CACNA1E: variants seen among roughly 807,000 people sequenced by gnomAD.
The protein encoded by CACNA1E is calcium voltage-gated channel subunit alpha1 E.
CACNA1E carries 40 observed loss-of-function variants against 259.2 expected under a neutral mutation model. The observed-to-expected ratio is 0.15, with a 90% CI of 0.12 to 0.20. The LOEUF (loss-of-function observed/expected upper bound fraction) is 0.20, where lower values mean the gene tolerates loss of function less well. Among genes scored for constraint, CACNA1E ranks in the 10% least tolerant of loss-of-function variants. The pLI is 1.00. For synonymous variants in CACNA1E, 1,104 were observed against 1,138.5 expected, an observed-to-expected ratio of 0.97 and a Z score of 0.61; for missense variants, 1,874 against 3,040.1, an observed-to-expected ratio of 0.62 and a Z score of 9.02.
chr1:181,637,808 A>C (rs992108441), intron 6 of CACNA1E, among the ~76,000 whole-genome samples: 1 of 152,188 alleles, frequency 6.6e-6, no homozygotes, highest in Admixed American at 6.5e-5. Flanking sequence ...AGTGAAGGTA[A>C]CATTCAGTCA....
At chr1:181,385,294 A>G (rs1338440506) in intron 1 of CACNA1E, among the ~76,000 whole-genome samples, 4 of 152,238 alleles carry the variant, frequency 2.6e-5, no homozygotes, top group African/African-American at 9.6e-5. Flanking sequence ...ATCATTTCAT[A>G]TAAAGCTGTT....
chr1:181,624,789 G>T (rs1656034403), intron 6 of CACNA1E, among the ~76,000 whole-genome samples: 1 of 152,092 alleles, frequency 6.6e-6, no homozygotes, highest in South Asian at 2.1e-4. Context: ...GTTCTTAATG[G>T]CATCTAGAAT....
intron 6 of CACNA1E, among the ~76,000 whole-genome samples, chr1:181,604,891 C>T (rs573427692): frequency 1.3e-5 from 2 of 152,102 alleles, no homozygotes; most frequent in East Asian, 1.9e-4. Flanking sequence ...TTTCTAAGTC[C>T]AATTTGTAGG....
chr1:181,707,372 T>C (rs1365172075), intron 7 of CACNA1E, among the ~76,000 whole-genome samples: 1 of 151,004 alleles, frequency 6.6e-6, no homozygotes, highest in African/African-American at 2.4e-5. Context: ...GGTGGGAGGG[T>C]GGGAGGAAAG....
In CACNA1E at chr1:181,721,865, G is replaced by A. The variant is rs747449493; in HGVS notation, c.2064G>A (p.Leu688=). 2.5e-5 allele frequency: 40 copies of A among 1,605,244 alleles called. No homozygotes were observed. The highest frequency in any genetic ancestry group is 1.7e-5 in the Non-Finnish European group (20 of 1,171,942). Residue 688 remains leucine, a synonymous_variant, in exon 16 of 48, where the codon TTG becomes TTA. Transcript: ENST00000367573. ...WSAIYFIVLT[L]FGNYTLLNVF... is the part of the protein sequence containing the mutation. ...CCATCTACTTCATTGTGCTCACCTTGTTTGGCAACTGTATCCTTTTTAAGA... is the reference window on the plus strand; with the variant it reads ...CCATCTACTTCATTGTGCTCACCTTATTTGGCAACTGTATCCTTTTTAAGA...
chr1:181,385,429 G>C (rs1165977288), intron 1 of CACNA1E, among the ~76,000 whole-genome samples: 3 of 152,204 alleles, frequency 2.0e-5, no homozygotes, highest in African/African-American at 7.2e-5. Flanking sequence ...TTGTAATAAA[G>C]AGCTTAATTT....
intron 6 of CACNA1E, among the ~76,000 whole-genome samples, chr1:181,645,150 A>G (rs114940793): frequency 0.012 from 1,779 of 152,304 alleles, 33 homozygotes; most frequent in African/African-American, 0.04. Flanking sequence ...GGCTCAGCAC[A>G]TGCAGGAAAG....
intron 9 of CACNA1E, among the ~76,000 whole-genome samples, chr1:181,715,835 G>A (rs1653834070): frequency 6.6e-6 from 1 of 152,196 alleles, no homozygotes; most frequent in South Asian, 2.1e-4. Flanking sequence ...CTCTTGTGTT[G>A]CAGGAAGGTG....
intron 3 of CACNA1E, among the ~76,000 whole-genome samples, chr1:181,554,730 C>T (rs1222375023): frequency 1.3e-5 from 2 of 152,156 alleles, no homozygotes; most frequent in Admixed American, 1.3e-4. Context: ...CTGGGATTGA[C>T]AATGAGCTTA....
intron 2 of CACNA1E, among the ~76,000 whole-genome samples, chr1:181,424,965 G>C (rs1325048278): frequency 9.2e-5 from 14 of 152,154 alleles, no homozygotes; most frequent in Admixed American, 9.2e-4. Flanking sequence ...TGTAGAAGGA[G>C]GCTCTTCAGT....
Position 181,603,433 on chromosome 1 carries a change from T to C in CACNA1E, c.951+22657T>C, listed in dbSNP as rs74127803. 5.7e-3 allele frequency among the ~76,000 whole-genome samples: 872 copies of C among 152,280 alleles called. 5 individuals are homozygous for C. Among genetic ancestry groups the C allele is most frequent in the African/African-American group, 0.02 (834 of 41,564 alleles). On this transcript the variant is annotated intron_variant, in intron 6 of 47. Coordinates refer to ENST00000367573, the MANE Select transcript of CACNA1E (RefSeq NM_001205293.3). ...CACTGATGTTTAATACACTTATGTG[T>C]TACATTTTGATGTGTGGTATTGTTG...
intron 2 of CACNA1E, among the ~76,000 whole-genome samples, chr1:181,430,657 T>C (rs968736181): frequency 2.6e-5 from 4 of 152,250 alleles, no homozygotes; most frequent in African/African-American, 9.6e-5. Flanking sequence ...AGCTGCAGCC[T>C]GAGTTTTCCC....
At chr1:181,391,109 C>G (rs1656239133) in intron 1 of CACNA1E, among the ~76,000 whole-genome samples, 1 of 152,208 alleles carries the variant, frequency 6.6e-6, no homozygotes, top group Non-Finnish European at 1.5e-5. Context: ...TCAACGCTCT[C>G]AATTTTACTC....
At chr1:181,697,537 G>T (rs575215684) in intron 7 of CACNA1E, among the ~76,000 whole-genome samples, 2 of 152,190 alleles carry the variant, frequency 1.3e-5, no homozygotes, top group Non-Finnish European at 2.9e-5. Context: ...AAATGGTTTT[G>T]CTCCAGACAG....
At chr1:181,730,123 C>A (rs1232222237) in intron 18 of CACNA1E, among the ~76,000 whole-genome samples, 1 of 152,240 alleles carries the variant, frequency 6.6e-6, no homozygotes, top group Non-Finnish European at 1.5e-5. Context: ...GCCTCTGCTC[C>A]CTCAGTCCCA....
intron 2 of CACNA1E, among the ~76,000 whole-genome samples, chr1:181,424,894 C>T (rs1010326729): frequency 3.3e-5 from 5 of 152,080 alleles, no homozygotes; most frequent in African/African-American, 1.2e-4. Flanking sequence ...GTGAATCAGT[C>T]CCCTCTCTCC....
chr1:181,718,208 G>A, intron 12 of CACNA1E, 41 bp downstream of exon 12: 1 of 998,650 alleles, frequency 1.0e-6, no homozygotes, highest in East Asian at 2.4e-5. Context: ...GCTTCGTGTT[G>A]ATATGCCCTG....
chr1:181,442,341 G>A (rs1660548349), intron 2 of CACNA1E, among the ~76,000 whole-genome samples: 2 of 151,458 alleles, frequency 1.3e-5, no homozygotes, highest in Non-Finnish European at 2.9e-5. Flanking sequence ...CAGGTATGAG[G>A]GACAGGTGTG....
Position 181,717,315 on chromosome 1 carries a change from T to C in CACNA1E, c.1525+13T>C. The C allele has an allele frequency of 6.2e-7, 1 of 1,607,878 alleles. No homozygotes were observed. Among genetic ancestry groups the C allele is most frequent in the Non-Finnish European group, 8.5e-7 (1 of 1,175,356 alleles). ...ACCCACCTCCTCTGTAAGTAAAGCC[T>C]CTCTCTAAAGCCTCCTCTGCTGGTC... On this transcript the variant is annotated intron_variant, in intron 11 of 47. Transcript: ENST00000367573.
Sources: gnomAD v4.1 joint callset for allele counts (sites outside exome capture counted in the v4.1 genomes callset) on GRCh38, gnomAD v4.1.1 for gene constraint, MANE v1.5 for transcripts, NCBI Gene and HGNC (gene_info 2026-07-23, HGNC 2026-07-21) for gene names.